The following WASF3 variants were observed in gnomAD, a reference collection of about 807,000 sequenced individuals.
WASF3 encodes the protein actin-binding protein WASF3.
In WASF3, 11 loss-of-function variants were observed where a neutral mutation model predicts 46.6. The observed-to-expected ratio is 0.24, with a 90% CI of 0.15 to 0.39. The LOEUF is 0.39. Ranked by LOEUF, WASF3 falls within the 10% of genes least tolerant of loss-of-function variation. WASF3 has a pLI of 1.00. For missense variants in WASF3, 576 were observed against 669.8 expected (o/e 0.86, Z 1.55); for synonymous variants, 242 against 259.7 (o/e 0.93, Z 0.65).
At chr13:26,636,499 G>A (rs543770276) in intron 2 of WASF3, among the ~76,000 whole-genome samples, 9 of 152,250 alleles carry the variant, frequency 5.9e-5, no homozygotes, top group South Asian at 4.1e-4. Context: ...GCTTTGGCTC[G>A]CCCTCCATGG....
chr13:26,670,154 C>A (rs1882888333), intron 5 of WASF3, among the ~76,000 whole-genome samples: 1 of 149,620 alleles, frequency 6.7e-6, no homozygotes, highest in African/African-American at 2.6e-5. Flanking sequence ...GGCACATATA[C>A]CCCATGGAAT....
rs749046121 is a variant in WASF3 at position 26,687,129 on chromosome 13, A to G, written c.*1284A>G. Reference sequence around the variant, plus strand: ...TACCAGGGACCCATGGGGAAACTCAAGAATGACAGCTTCTATATTTTGTAA... The same window carrying G: ...TACCAGGGACCCATGGGGAAACTCAGGAATGACAGCTTCTATATTTTGTAA... On this transcript the variant is annotated 3_prime_UTR_variant, in exon 10 of 10. Coordinates refer to ENST00000335327, the MANE Select transcript of WASF3 (RefSeq NM_006646.6). 5 of 152,276 alleles carry G rather than the reference A, an allele frequency of 3.3e-5. No individual in the cohort carries two copies. Among genetic ancestry groups the G allele is most frequent in the Non-Finnish European group, 5.9e-5 (4 of 68,070 alleles). The allele number at this position is 152,276 out of a possible 1,614,324, so 9.4% of individuals were successfully genotyped here. A position where few individuals can be genotyped will look rare whatever the true frequency, so the allele number is the denominator to read the frequency against.
At chr13:26,621,451 A>G (rs1173968906) in intron 2 of WASF3, among the ~76,000 whole-genome samples, 1 of 151,684 alleles carries the variant, frequency 6.6e-6, no homozygotes, top group Non-Finnish European at 1.5e-5. Context: ...CAGGAGAAGA[A>G]ACTGAGGCCC....
intron 1 of WASF3, among the ~76,000 whole-genome samples, chr13:26,579,009 T>TTTTTTTTTTTTTG (rs1879892115): frequency 8.6e-6 from 1 of 116,368 alleles, no homozygotes; most frequent in Non-Finnish European, 1.9e-5. Context: ...TTTTTTTTTT[T>TTTTTTTTTTTTTG]TTTTTTTGTG....
intron 3 of WASF3, among the ~76,000 whole-genome samples, chr13:26,653,211 C>T (rs1003606312): frequency 6.6e-6 from 1 of 152,284 alleles, no homozygotes; most frequent in Middle Eastern, 3.4e-3. Flanking sequence ...CCCATATCCT[C>T]AGGGTGCTTC....
chr13:26,542,979 G>A, the WASF3 span, among the ~76,000 whole-genome samples: 4 of 152,220 alleles, frequency 2.6e-5, no homozygotes, highest in Admixed American at 6.5e-5. Context: ...TCTGAACACA[G>A]GCTAAAGAAG....
intron 3 of WASF3, among the ~76,000 whole-genome samples, chr13:26,645,147 G>A (rs1057047391): frequency 2.0e-5 from 3 of 152,162 alleles, no homozygotes; most frequent in African/African-American, 7.2e-5. Context: ...CATTGTAATG[G>A]TCTTTAGAGC....
chr13:26,596,385 A>G (rs1334191326), intron 1 of WASF3, among the ~76,000 whole-genome samples: 1 of 149,970 alleles, frequency 6.7e-6, no homozygotes, highest in Non-Finnish European at 1.5e-5. Context: ...AGTTTTTTTC[A>G]TTAGACAAAG....
chr13:26,623,299 G>A (rs1881363472), intron 2 of WASF3, among the ~76,000 whole-genome samples: 1 of 152,126 alleles, frequency 6.6e-6, no homozygotes, highest in Non-Finnish European at 1.5e-5. Flanking sequence ...TCTGCGGGAG[G>A]TAATCTCAGC....
rs117506862 is a variant in WASF3, at chr13:26,567,979, G to C, written c.-109+10160G>C. On this transcript the variant is annotated intron_variant, in intron 1 of 9. Transcript: ENST00000335327. ...TGAACCAGCTAGGCAAATATTTTGG[G>C]AATGAACCTTATTTGGGGAGAAACA... Among the ~76,000 whole-genome samples, 30 of 152,126 alleles carry C rather than the reference G, an allele frequency of 2.0e-4. No homozygotes were observed. In the East Asian group the frequency reaches 5.4e-3, roughly 27 times the overall value.
intron 2 of WASF3, among the ~76,000 whole-genome samples, chr13:26,639,561 G>A (rs1431879874): frequency 6.6e-6 from 1 of 152,178 alleles, no homozygotes; most frequent in Admixed American, 6.5e-5. Context: ...TCCTGCCTCT[G>A]CCAGGCACAG....
At chr13:26,554,088 C>CTTTTCTTTCTTTCT (rs1289008259), upstream of WASF3, among the ~76,000 whole-genome samples, 4 of 27,698 alleles carry the variant, frequency 1.4e-4, no homozygotes, top group South Asian at 6.7e-3. Context: ...TCCTTCCTTC[C>CTTTTCTTTCTTTCT]TTCCTTCCTT....
intron 2 of WASF3, among the ~76,000 whole-genome samples, chr13:26,629,320 C>G (rs1881579461): frequency 6.6e-6 from 1 of 152,202 alleles, no homozygotes. Flanking sequence ...TCCAGATCTC[C>G]TTGTTCCTCA....
In WASF3 at chr13:26,557,704, T is replaced by A. The variant is rs548451704; in HGVS notation, c.-224T>A. 4.7e-3 allele frequency: 805 copies of A among 172,318 alleles called. 4 individuals carry two copies. Among genetic ancestry groups the A allele is most frequent in the African/African-American group, 0.019 (770 of 41,500 alleles). 10.7% of individuals were successfully genotyped at this position (172,318 alleles called of 1,614,324 possible). ...GGCCGTGGACGGGCCGGAGGCGGCG[T>A]CGCTCGCGCCGCTGCGTGCGGTGTG... On this transcript the variant is annotated 5_prime_UTR_variant, in exon 1 of 10. Transcript: ENST00000335327.
At chr13:26,629,211 A>G (rs1881575430) in intron 2 of WASF3, among the ~76,000 whole-genome samples, 1 of 152,104 alleles carries the variant, frequency 6.6e-6, no homozygotes, top group African/African-American at 2.4e-5. Flanking sequence ...CTTTGTGTTC[A>G]GTGTCTCTTT....
chr13:26,553,831 AT>A (rs1161274851), upstream of WASF3, among the ~76,000 whole-genome samples: 30 of 146,126 alleles, frequency 2.1e-4, no homozygotes, highest in East Asian at 5.5e-3. Context: ...AAAAAAAAAA[AT>A]TATGGAGAGA....
At chr13:26,631,045 T>C (rs1468765136) in intron 2 of WASF3, among the ~76,000 whole-genome samples, 1 of 152,258 alleles carries the variant, frequency 6.6e-6, no homozygotes, top group African/African-American at 2.4e-5. Flanking sequence ...TTGTAGATTC[T>C]GGATATTAGC....
intron 1 of WASF3, among the ~76,000 whole-genome samples, chr13:26,596,955 TC>T (rs1880486747): frequency 2.6e-5 from 4 of 152,228 alleles, no homozygotes; most frequent in Non-Finnish European, 5.9e-5. Flanking sequence ...GTTATTTTAC[TC>T]TGATGAAATC....
chr13:26,577,663 C>T, intron 1 of WASF3: 3 of 1,161,778 alleles, frequency 2.6e-6, no homozygotes, highest in Non-Finnish European at 3.8e-6. Flanking sequence ...AACCACCAGT[C>T]CAAGAATCTG....
Sources: allele counts gnomAD v4.1 joint callset (sites outside exome capture counted in the v4.1 genomes callset), GRCh38; gene constraint gnomAD v4.1.1; transcripts MANE v1.5; gene names NCBI Gene and HGNC (gene_info 2026-07-23, HGNC 2026-07-21).